EGFLAM: variants seen among roughly 807,000 people sequenced by gnomAD.
EGFLAM encodes the protein pikachurin.
In EGFLAM, 79 loss-of-function variants were observed where a neutral mutation model predicts 113.1. The observed-to-expected ratio is 0.70, with a 90% CI of 0.58 to 0.84. The LOEUF (loss-of-function observed/expected upper bound fraction) is 0.84, where lower values mean the gene tolerates loss of function less well. EGFLAM is among the 40% of genes least tolerant of loss of function. The pLI is 0.00. For missense variants in EGFLAM, 1,265 were observed against 1,291.6 expected, an observed-to-expected ratio of 0.98 and a Z score of 0.32; for synonymous variants, 504 against 487.6, an observed-to-expected ratio of 1.03 and a Z score of -0.44.
At chr5:38,258,956 A>C in intron 1 of EGFLAM, 105 bp downstream of exon 1, 7 of 1,215,240 alleles carry the variant, frequency 5.8e-6, no homozygotes, top group Non-Finnish European at 7.9e-6. Context: ...TCCCCGACCA[A>C]CGTCTGCTTA....
intron 6 of EGFLAM, among the ~76,000 whole-genome samples, chr5:38,394,557 C>G (rs1740904525): frequency 6.6e-6 from 1 of 151,532 alleles, no homozygotes; most frequent in Non-Finnish European, 1.5e-5. Flanking sequence ...CTACAGGCAC[C>G]CGCCACCACG....
At chr5:38,323,759 G>GT (rs1738800389) in intron 1 of EGFLAM, among the ~76,000 whole-genome samples, 1 of 152,036 alleles carries the variant, frequency 6.6e-6, no homozygotes, top group Non-Finnish European at 1.5e-5. Context: ...TTCATTAAGA[G>GT]TTTTTTCGGC....
intron 5 of EGFLAM, among the ~76,000 whole-genome samples, chr5:38,358,792 A>T (rs1488500649): frequency 6.6e-6 from 1 of 152,182 alleles, no homozygotes; most frequent in Non-Finnish European, 1.5e-5. Context: ...CTTTCTTTAT[A>T]GCCATAGATT....
chr5:38,370,618 A>T (rs80085907), intron 6 of EGFLAM, among the ~76,000 whole-genome samples, 156 bp downstream of exon 6: 15,348 of 152,252 alleles, frequency 0.1, 939 homozygotes, highest in Non-Finnish European at 0.14. Flanking sequence ...TTTGGAAGTT[A>T]GAGGCTGTCA....
At chr5:38,447,329 C>A (rs1258547480) in intron 17 of EGFLAM, among the ~76,000 whole-genome samples, 3 of 152,200 alleles carry the variant, frequency 2.0e-5, no homozygotes, top group African/African-American at 7.2e-5. Context: ...AGGCCTAGTG[C>A]TCTCTTAACT....
intron 1 of EGFLAM, among the ~76,000 whole-genome samples, chr5:38,336,417 A>G (rs1739185149): frequency 6.6e-6 from 1 of 152,192 alleles, no homozygotes; most frequent in Non-Finnish European, 1.5e-5. Flanking sequence ...ACTAGAAAAT[A>G]CAAAAGATTA....
rs747193269 is a variant in EGFLAM, at chr5:38,258,797, G to C, written c.43G>C (p.Ala15Pro). ...CGTCTTGCTCCGGCTCCTGCTCCTG[G>C]CTTCCAGCCTCGGACCCGGCGCGGT... ...RGVLLRLLLL[A>P]SSLGPGAVSL... Residue 15 changes from alanine (A) to proline (P), a missense_variant, in exon 1 of 22, where the codon GCT (alanine) becomes CCT (proline). Transcript: ENST00000322350. 5.0e-6 allele frequency: 8 copies of C among 1,612,538 alleles called. No homozygotes were observed. In the South Asian group the frequency reaches 7.7e-5, roughly 16 times the overall value.
intron 5 of EGFLAM, among the ~76,000 whole-genome samples, chr5:38,362,115 T>C (rs893878692): frequency 1.3e-5 from 2 of 152,246 alleles, no homozygotes; most frequent in African/African-American, 4.8e-5. Flanking sequence ...GATCTGCACA[T>C]ATGCATCCCC....
intron 6 of EGFLAM, among the ~76,000 whole-genome samples, chr5:38,370,684 A>G (rs968556826): frequency 2.6e-5 from 4 of 152,186 alleles, no homozygotes; most frequent in African/African-American, 7.2e-5. Flanking sequence ...TTATTTTTGC[A>G]TCATCCTTGG....
At chr5:38,297,928 T>G (rs958740272) in intron 1 of EGFLAM, among the ~76,000 whole-genome samples, 2 of 152,154 alleles carry the variant, frequency 1.3e-5, no homozygotes, top group African/African-American at 4.8e-5. Flanking sequence ...TGGGATCCAC[T>G]CCCCATTACT....
intron 6 of EGFLAM, among the ~76,000 whole-genome samples, chr5:38,387,418 C>T (rs960596506): frequency 2.0e-4 from 30 of 152,200 alleles, no homozygotes; most frequent in African/African-American, 7.2e-4. Context: ...CAACTGTCTC[C>T]AGGAGCCTTT....
chr5:38,296,363 T>G (rs1758453226), intron 1 of EGFLAM, among the ~76,000 whole-genome samples: 1 of 152,130 alleles, frequency 6.6e-6, no homozygotes. Flanking sequence ...GCCCCGTAAG[T>G]TGAATAGTCT....
At chr5:38,274,790 A>G (rs570186167) in intron 1 of EGFLAM, among the ~76,000 whole-genome samples, 1 of 152,342 alleles carries the variant, frequency 6.6e-6, no homozygotes, top group Admixed American at 6.5e-5. Context: ...AAGTAAGTAC[A>G]CAGTCAAATT....
chr5:38,405,458 A>AT (rs1026686473), intron 6 of EGFLAM, among the ~76,000 whole-genome samples: 14 of 151,816 alleles, frequency 9.2e-5, no homozygotes, highest in East Asian at 1.9e-4. Flanking sequence ...TGCAACTTGC[A>AT]TTTTTTTTGT....
chr5:38,271,423 G>T (rs1757763003), intron 1 of EGFLAM, among the ~76,000 whole-genome samples: 1 of 151,964 alleles, frequency 6.6e-6, no homozygotes, highest in African/African-American at 2.4e-5. Flanking sequence ...TTCTTTTCTG[G>T]CTCACTACTG....
chr5:38,278,691 G>A (rs1386306295), intron 1 of EGFLAM, among the ~76,000 whole-genome samples: 1 of 152,042 alleles, frequency 6.6e-6, no homozygotes, highest in African/African-American at 2.4e-5. Context: ...GTTTCACCAT[G>A]TTGGCTAGGC....
In EGFLAM at chr5:38,392,620, C is replaced by CTT. The variant is rs548367655; in HGVS notation, c.713-13498_713-13497dup. ...CTCCACAACCTCACCAGAATCTATT[C>CTT]TTTTTTTTTGGGGGGGCGGTTCTCA... On this transcript the variant is annotated intron_variant, in intron 6 of 21. Transcript: ENST00000322350. Among the ~76,000 whole-genome samples the CTT allele has an allele frequency of 6.9e-3, 1,007 of 145,454 alleles. 18 individuals carry two copies. The highest frequency in any genetic ancestry group is 0.025 in the African/African-American group (924 of 37,398).
chr5:38,462,808 T>G lies in EGFLAM; in HGVS notation c.2772-100T>G, dbSNP rs1265588307. ...ATCATTTAGCACAGTACCTGGCACA[T>G]AGTGTGTCCTTTAATACATTTGTAT... is the stretch of plus-strand genomic sequence containing the variant. On this transcript the variant is annotated intron_variant, in intron 20 of 21. Coordinates refer to ENST00000322350, the MANE Select transcript of EGFLAM (RefSeq NM_152403.4). The G allele has an allele frequency of 4.6e-6, 6 of 1,300,074 alleles. No homozygotes were observed. The Admixed American group carries it at 1.2e-4, about 25-fold the overall frequency. The allele number at this position is 1,300,074 out of a possible 1,614,324, so 80.5% of individuals were successfully genotyped here.
intron 1 of EGFLAM, among the ~76,000 whole-genome samples, chr5:38,279,147 G>A (rs1310285653): frequency 1.3e-5 from 2 of 152,114 alleles, no homozygotes; most frequent in Non-Finnish European, 2.9e-5. Context: ...TCAGAGAAAC[G>A]CAAATCAAAA....
Sources: allele counts gnomAD v4.1 joint callset (sites outside exome capture counted in the v4.1 genomes callset), GRCh38; gene constraint gnomAD v4.1.1; transcripts MANE v1.5; gene names NCBI Gene and HGNC (gene_info 2026-07-23, HGNC 2026-07-21).